The following ADNP variants were observed in gnomAD, a reference collection of about 807,000 sequenced individuals.
ADNP encodes activity-dependent neuroprotector homeobox protein.
Under a neutral mutation model 84.9 loss-of-function variants are expected in ADNP, and 4 were observed. The observed-to-expected ratio is 0.05, with a 90% CI of 0.02 to 0.11. The LOEUF (loss-of-function observed/expected upper bound fraction) is 0.11. ADNP is among the 10% of genes least tolerant of loss of function. The pLI is 1.00. For missense variants in ADNP, 1,132 were observed against 1,326.0 expected, an observed-to-expected ratio of 0.85 and a Z score of 2.27; for synonymous variants, 554 against 468.1, an observed-to-expected ratio of 1.18 and a Z score of -2.37.
In ADNP at chr20:50,891,673, T is replaced by G. The variant is rs1396617508; in HGVS notation, c.3041A>C (p.Lys1014Thr). Residue 1014 changes from lysine (K) to threonine (T), a missense_variant, in exon 6 of 6, where the codon AAA (lysine) becomes ACA (threonine). This residue lies in a region of ADNP where 381 missense variants were observed against 319.9 expected (regional missense o/e 1.19). Transcript: ENST00000621696. ...EDARSSKPAA[K>T]KKATMQGDRE... ...GTCACCTTGCATGGTAGCCTTTTTT[T>G]TGGCAGCTGGCTTACTGCTCCTTGC... 6.2e-7 allele frequency: 1 copy of G among 1,614,238 alleles called. No individual in the cohort carries two copies. Among genetic ancestry groups the G allele is most frequent in the Non-Finnish European group, 8.5e-7 (1 of 1,180,042 alleles).
intron 2 of ADNP, among the ~76,000 whole-genome samples, chr20:50,919,134 T>C (rs1050383781): frequency 1.8e-4 from 27 of 152,042 alleles, no homozygotes; most frequent in African/African-American, 5.3e-4. Flanking sequence ...CTGACCTCAA[T>C]TGATGGACTA....
Position 50,893,812 on chromosome 20 carries a change from T to C in ADNP, c.902A>G (p.Gln301Arg), listed in dbSNP as rs1981090420. The C allele has an allele frequency of 6.2e-7, 1 of 1,614,206 alleles. No individual in the cohort carries two copies. The highest frequency in any genetic ancestry group is 8.5e-7 in the Non-Finnish European group (1 of 1,180,028). ...TATTGAGAGTCGATTCACCATCTGC[T>C]GTGATGGTAAAGACCGGACATTTCC... The part of the protein sequence containing the change: ...ASGNVRSLPS[Q>R]QMVNRLSIPK... The change falls in exon 6 of 6, where the codon CAG becomes CGG. Residue 301 changes from glutamine (Q) to arginine (R), a missense_variant. This residue lies in a region of ADNP where 239 missense variants were observed against 213.2 expected (regional missense o/e 1.12). Transcript: ENST00000621696. This position sits in a 1 kb window ranked among gnomAD's most constrained non-coding sequence, Gnocchi z 4.4.
At chr20:50,913,883 A>G (rs1415292612) in intron 2 of ADNP, 3 of 612,460 alleles carry the variant, frequency 4.9e-6, no homozygotes, top group Non-Finnish European at 9.2e-6. Context: ...CCATACATAC[A>G]TAAATTATTG....
Position 50,891,876 on chromosome 20 carries a change from G to C in ADNP, c.2838C>G (p.Thr946=). 1 of 1,614,172 alleles carries C rather than the reference G, an allele frequency of 6.2e-7. No individual in the cohort carries two copies. The highest frequency in any genetic ancestry group is 8.5e-7 in the Non-Finnish European group (1 of 1,180,034). ...TATCAGATGCATTGTGCATTAGTTT[G>C]GTTGGTTCCTCAGTCAAATGAATAG... ...YETIHLTEEP[T]KLMHNASDSE... Residue 946 remains threonine, a synonymous_variant, in exon 6 of 6, where the codon ACC becomes ACG. Coordinates refer to ENST00000621696, the MANE Select transcript of ADNP (RefSeq NM_001282531.3).
At position 50,891,989 on chromosome 20, in the gene ADNP, C is replaced by T. The variant is rs200749133; in HGVS notation, c.2725G>A (p.Glu909Lys). Residue 909 changes from glutamate to lysine, a missense_variant, in exon 6 of 6, where the codon GAG (glutamate) becomes AAG (lysine). Physicochemically the swap from Glu to Lys is moderately conservative, Grantham distance 56. Coordinates refer to ENST00000621696, the MANE Select transcript of ADNP (RefSeq NM_001282531.3). ...VEPKISNDNP[E>K]EHVLKVIPED... is the part of the protein sequence containing the mutation. ...GGAATTACCTTCAGTACATGTTCCT[C>T]TGGGTTATCGTTAGAGATTTTAGGT... 269 of 1,614,064 alleles carry T rather than the reference C, an allele frequency of 1.7e-4. No individual in the cohort carries two copies. Among genetic ancestry groups the T allele is most frequent in the Non-Finnish European group, 2.2e-4 (263 of 1,180,028 alleles).
chr20:50,899,813 C>G (rs902614002), intron 5 of ADNP, among the ~76,000 whole-genome samples: 5 of 146,132 alleles, frequency 3.4e-5, no homozygotes, highest in African/African-American at 1.3e-4. Flanking sequence ...AAGTTTAAGA[C>G]TAGGAAAAAG....
chr20:50,924,958 C>T (rs1193648028), intron 2 of ADNP, among the ~76,000 whole-genome samples: 1 of 152,190 alleles, frequency 6.6e-6, no homozygotes, highest in East Asian at 1.9e-4. Context: ...GTTGTCTATG[C>T]TTTCCTCTTA....
At chr20:50,907,970 C>T (rs1568729423) in intron 2 of ADNP, among the ~76,000 whole-genome samples, 1 of 152,116 alleles carries the variant, frequency 6.6e-6, no homozygotes, top group African/African-American at 2.4e-5. Flanking sequence ...TCTTCATATG[C>T]GTATTTCTGA....
Position 50,889,741 on chromosome 20 carries a change from C to A in ADNP, c.*1664G>T, listed in dbSNP as rs1473367498. On this transcript the variant is annotated 3_prime_UTR_variant, in exon 6 of 6. Coordinates refer to ENST00000621696, the MANE Select transcript of ADNP (RefSeq NM_001282531.3). ...AATTGCTGGAAATGTTGGCCTAATT[C>A]TGCTTCCTTGTAACTTTCTGCTTTT... is the stretch of plus-strand genomic sequence containing the variant. 2.5e-6 allele frequency: 1 copy of A among 395,656 alleles called. No individual in the cohort carries two copies. Among genetic ancestry groups the A allele is most frequent in the Non-Finnish European group, 4.4e-6 (1 of 224,732 alleles). 24.5% of individuals were successfully genotyped at this position (395,656 alleles called of 1,614,324 possible).
chr20:50,895,679 A>G (rs1392044456), intron 5 of ADNP, among the ~76,000 whole-genome samples: 3 of 152,112 alleles, frequency 2.0e-5, no homozygotes, highest in African/African-American at 7.2e-5. Context: ...AGTCCTGGGG[A>G]CTACAGGTGT....
rs750211598 is a variant in ADNP at position 50,891,481 on chromosome 20, T to C, written c.3233A>G (p.Asp1078Gly). 1 of 1,612,642 alleles carries C rather than the reference T, an allele frequency of 6.2e-7. No individual in the cohort carries two copies. Among genetic ancestry groups the C allele is most frequent in the Middle Eastern group, 1.6e-4 (1 of 6,062 alleles). Residue 1078 changes from aspartate to glycine, a missense_variant, in exon 6 of 6, where the codon GAC becomes GGC. Asp to Gly is a moderately conservative substitution (Grantham distance 94, BLOSUM62 -1). Coordinates refer to ENST00000621696, the MANE Select transcript of ADNP (RefSeq NM_001282531.3). The stretch of plus-strand genomic sequence containing the variant: ...CTCAGCTACTCCATCAGTCATGTTG[T>C]CAAACTGTTCCCCATCCTCACTGTC... ...TIDSEDGEQFDNMTDGVAEPM... is the reference protein window; with the variant it reads ...TIDSEDGEQFGNMTDGVAEPM...
chr20:50,916,700 C>T (rs961663196), intron 2 of ADNP, among the ~76,000 whole-genome samples: 1 of 152,166 alleles, frequency 6.6e-6, no homozygotes, highest in Non-Finnish European at 1.5e-5. Flanking sequence ...ATACATATGA[C>T]ATAAAAAATA....
chr20:50,907,025 T>C (rs1339449849), intron 2 of ADNP, among the ~76,000 whole-genome samples: 2 of 146,192 alleles, frequency 1.4e-5, no homozygotes, highest in African/African-American at 2.5e-5. Flanking sequence ...TGGAGTGCAG[T>C]GTCACGATCT....
intron 2 of ADNP, among the ~76,000 whole-genome samples, chr20:50,914,748 G>C (rs955056361): frequency 6.6e-6 from 1 of 152,174 alleles, no homozygotes; most frequent in African/African-American, 2.4e-5. Context: ...CAGGCTAGTC[G>C]TTCTGCTAGA....
At chr20:50,929,702 C>T (rs1984528871) in intron 1 of ADNP, among the ~76,000 whole-genome samples, 1 of 151,842 alleles carries the variant, frequency 6.6e-6, no homozygotes, top group South Asian at 2.1e-4. Flanking sequence ...GAAACTGTAT[C>T]AAGCTATCCA....
chr20:50,906,272 T>C (rs1600962016), intron 2 of ADNP, among the ~76,000 whole-genome samples: 1 of 132,752 alleles, frequency 7.5e-6, no homozygotes, highest in Admixed American at 7.0e-5. Context: ...GAGAAGCACA[T>C]GTTAGAAAAA....
chr20:50,894,029 T>C lies in ADNP; in HGVS notation c.685A>G (p.Met229Val). 1 of 1,614,192 alleles carries C rather than the reference T, an allele frequency of 6.2e-7. No individual in the cohort carries two copies. Among genetic ancestry groups the C allele is most frequent in the Non-Finnish European group, 8.5e-7 (1 of 1,180,030 alleles). ...ACCAAAGCTTCATAGGACTTTGGCA[T>C]GAAAAGGCATCGCTTGCAGTGAATA... ...SSIHCKRCLF[M>V]PKSYEALVQH... The change falls in exon 6 of 6, where the codon ATG (methionine) becomes GTG (valine). Residue 229 changes from methionine to valine, a missense_variant. This residue lies in a region of ADNP where 130 missense variants were observed against 183.7 expected (regional missense o/e 0.71). Coordinates refer to ENST00000621696, the MANE Select transcript of ADNP (RefSeq NM_001282531.3).
intron 2 of ADNP, 109 bp from the exon 3 acceptor site, chr20:50,904,958 C>G (rs1405645410): frequency 6.6e-6 from 1 of 152,154 alleles, no homozygotes; most frequent in Non-Finnish European, 1.5e-5. Context: ...TGCATGCCCC[C>G]ACTCCACCCC....
intron 5 of ADNP, among the ~76,000 whole-genome samples, chr20:50,901,616 C>T (rs915226834): frequency 6.6e-6 from 1 of 152,134 alleles, no homozygotes; most frequent in Non-Finnish European, 1.5e-5. Context: ...CCCCAGGCCT[C>T]CCATAGAAGT....
Sources: gnomAD v4.1 joint callset for allele counts (sites outside exome capture counted in the v4.1 genomes callset) on GRCh38, gnomAD v4.1.1 for gene constraint, gnomAD v4.1.1 regional missense constraint, Gnocchi (gnomAD v3.1) non-coding constraint, MANE v1.5 for transcripts, NCBI Gene and HGNC (gene_info 2026-07-23, HGNC 2026-07-21) for gene names.